KIAA1217: variants seen among roughly 807,000 people sequenced by gnomAD.
KIAA1217 encodes sickle tail protein homolog.
Under a neutral mutation model 163.9 loss-of-function variants are expected in KIAA1217, and 88 were observed. That is an observed-to-expected ratio of 0.54 (90% CI 0.45 to 0.64). The LOEUF (loss-of-function observed/expected upper bound fraction) is 0.64, where lower values mean the gene tolerates loss of function less well. Among genes scored for constraint, KIAA1217 ranks in the 30% least tolerant of loss-of-function variants. KIAA1217 has a pLI of 0.00. For missense variants in KIAA1217, 2,372 were observed against 2,475.0 expected, an observed-to-expected ratio of 0.96 and a Z score of 0.88; for synonymous variants, 903 against 923.1, an observed-to-expected ratio of 0.98 and a Z score of 0.39.
intron 1 of KIAA1217, among the ~76,000 whole-genome samples, chr10:23,876,237 G>A (rs1467884830): frequency 6.6e-6 from 1 of 151,868 alleles, no homozygotes; most frequent in Non-Finnish European, 1.5e-5. Flanking sequence ...AAACAGAAAT[G>A]CAAATGCTGC....
rs2063174666 is a variant in KIAA1217 at position 24,468,457 on chromosome 10, AT to A, written c.847-4769del. ...CACAGCTTGGCAAACCAACATAAGAATTCTGCCAAGACTTCCAACATCTAAG... is the reference window on the plus strand; with the variant it reads ...CACAGCTTGGCAAACCAACATAAGAATCTGCCAAGACTTCCAACATCTAAG... On this transcript the variant is annotated intron_variant, in intron 5 of 20. Transcript: ENST00000376454. 2.0e-5 allele frequency among the ~76,000 whole-genome samples: 3 copies of A among 152,360 alleles called. No homozygotes were observed. The South Asian group carries it at 6.2e-4, about 32-fold the overall frequency.
At chr10:24,287,375 G>C (rs1482660212) in intron 2 of KIAA1217, among the ~76,000 whole-genome samples, 2 of 152,100 alleles carry the variant, frequency 1.3e-5, no homozygotes, top group Non-Finnish European at 2.9e-5. Context: ...GAATCAGGAT[G>C]CCTAGGTCAG....
intron 5 of KIAA1217, among the ~76,000 whole-genome samples, chr10:24,440,450 C>T (rs892103096): frequency 6.6e-6 from 1 of 152,116 alleles, no homozygotes; most frequent in Non-Finnish European, 1.5e-5. Flanking sequence ...ATTTCCACAC[C>T]GGTGCCCCAG....
At chr10:24,054,209 C>A (rs139654141) in intron 2 of KIAA1217, among the ~76,000 whole-genome samples, 322 of 152,222 alleles carry the variant, frequency 2.1e-3, no homozygotes, top group Middle Eastern at 0.014. Context: ...TTGAGAAAAT[C>A]AAGTTTTCTT....
intron 1 of KIAA1217, among the ~76,000 whole-genome samples, chr10:24,001,069 A>AACAC (rs35481656): frequency 0.033 from 4,980 of 149,282 alleles, 146 homozygotes; most frequent in African/African-American, 0.084. Flanking sequence ...CTGCAAAGTA[A>AACAC]ACACACACAC....
At position 24,466,062 on chromosome 10, in the gene KIAA1217, C is replaced by T. The variant is rs374353452; in HGVS notation, c.847-7166C>T. Reference sequence around the variant, plus strand: ...GTTAATTAATAGACAGCCTCCTTATCTCCCTCATGTTTTCCCTCTGGTGTT... The same window carrying T: ...GTTAATTAATAGACAGCCTCCTTATTTCCCTCATGTTTTCCCTCTGGTGTT... On this transcript the variant is annotated intron_variant, in intron 5 of 20. Coordinates refer to ENST00000376454, the MANE Select transcript of KIAA1217 (RefSeq NM_019590.5). 3.9e-5 allele frequency among the ~76,000 whole-genome samples: 6 copies of T among 152,170 alleles called. No individual in the cohort carries two copies. The East Asian group carries it at 1.2e-3, about 29-fold the overall frequency.
At chr10:24,365,405 C>A (rs1033459926) in intron 2 of KIAA1217, among the ~76,000 whole-genome samples, 3 of 151,838 alleles carry the variant, frequency 2.0e-5, no homozygotes, top group Non-Finnish European at 4.4e-5. Flanking sequence ...TTTTTTGTCC[C>A]CCTTTTCCCT....
intron 1 of KIAA1217, among the ~76,000 whole-genome samples, chr10:23,866,055 A>T (rs1284647822): frequency 6.6e-6 from 1 of 152,142 alleles, no homozygotes; most frequent in Non-Finnish European, 1.5e-5. Context: ...GATTTTATAT[A>T]CTTGGAGATT....
At chr10:24,088,713 G>A (rs2061812474) in intron 2 of KIAA1217, among the ~76,000 whole-genome samples, 1 of 123,766 alleles carries the variant, frequency 8.1e-6, no homozygotes, top group East Asian at 2.0e-4. Flanking sequence ...CATTTGGGTT[G>A]GTTCCAAGTC....
At chr10:24,328,847 G>T (rs1250689194) in intron 2 of KIAA1217, among the ~76,000 whole-genome samples, 2 of 151,826 alleles carry the variant, frequency 1.3e-5, no homozygotes, top group Non-Finnish European at 2.9e-5. Context: ...AAGTGAATTT[G>T]CAACACATGA....
intron 2 of KIAA1217, among the ~76,000 whole-genome samples, chr10:24,031,943 T>G (rs1216144502): frequency 1.3e-5 from 2 of 152,164 alleles, no homozygotes; most frequent in Non-Finnish European, 2.9e-5. Flanking sequence ...TTTGCATACT[T>G]CCCACTGCCA....
chr10:24,162,665 T>C (rs1267362889), intron 2 of KIAA1217, among the ~76,000 whole-genome samples: 1 of 152,224 alleles, frequency 6.6e-6, no homozygotes. Flanking sequence ...GAATCATAAA[T>C]TTTTATTATC....
chr10:23,964,908 A>G (rs1388984908), intron 1 of KIAA1217, among the ~76,000 whole-genome samples: 3 of 152,166 alleles, frequency 2.0e-5, no homozygotes, highest in Non-Finnish European at 4.4e-5. Flanking sequence ...GCAACCACCC[A>G]TAATAGTTGA....
intron 2 of KIAA1217, among the ~76,000 whole-genome samples, chr10:24,027,495 A>C (rs892864759): frequency 6.6e-6 from 1 of 152,194 alleles, no homozygotes; most frequent in Non-Finnish European, 1.5e-5. Flanking sequence ...GTTTCATCAT[A>C]TACCAACAAA....
intron 2 of KIAA1217, among the ~76,000 whole-genome samples, chr10:24,178,678 A>G (rs2066022839): frequency 6.6e-6 from 1 of 152,230 alleles, no homozygotes; most frequent in Admixed American, 6.5e-5. Context: ...TTAGAATTAG[A>G]TTTCAGTTGT....
intron 5 of KIAA1217, 82 bp downstream of exon 5, chr10:24,438,561 A>G: frequency 1.1e-6 from 1 of 907,668 alleles, no homozygotes; most frequent in Non-Finnish European, 1.8e-6. Flanking sequence ...ATGTAATCAG[A>G]ACTCTACAAC....
chr10:23,990,564 G>T (rs1271885949), intron 1 of KIAA1217, among the ~76,000 whole-genome samples: 3 of 151,748 alleles, frequency 2.0e-5, no homozygotes, highest in Admixed American at 6.6e-5. Context: ...CATATCTTTG[G>T]GTGCTGGGAG....
intron 2 of KIAA1217, among the ~76,000 whole-genome samples, chr10:24,146,312 A>G (rs1369465252): frequency 6.6e-6 from 1 of 152,226 alleles, no homozygotes; most frequent in Admixed American, 6.5e-5. Flanking sequence ...TTTAAGTTAT[A>G]TGAAGCATAT....
chr10:24,016,363 C>A (rs1337634753), intron 2 of KIAA1217, among the ~76,000 whole-genome samples: 1 of 152,040 alleles, frequency 6.6e-6, no homozygotes, highest in African/African-American at 2.4e-5. Flanking sequence ...TGTGTTTTCT[C>A]AGCTCAGTGA....
Sources: gnomAD v4.1 joint callset for allele counts (sites outside exome capture counted in the v4.1 genomes callset) on GRCh38, gnomAD v4.1.1 for gene constraint, MANE v1.5 for transcripts, NCBI Gene and HGNC (gene_info 2026-07-23, HGNC 2026-07-21) for gene names.